Variants in SYNDIG1 observed in about 807,000 individuals in gnomAD.
SYNDIG1 encodes synapse differentiation inducing 1.
SYNDIG1 carries 9 observed loss-of-function variants against 19.4 expected under a neutral mutation model. The observed-to-expected ratio is 0.46, with a 90% confidence interval of 0.28 to 0.81. The LOEUF (loss-of-function observed/expected upper bound fraction) is 0.81, where lower values mean the gene tolerates loss of function less well. Ranked by LOEUF, SYNDIG1 falls within the 30% of genes least tolerant of loss-of-function variation. The probability of loss-of-function intolerance (pLI) is 0.12; values close to 1 mark genes in which losing one functional copy is unlikely to be tolerated. For synonymous variants in SYNDIG1, 141 were observed against 145.9 expected (o/e 0.97, Z 0.24); for missense variants, 311 against 343.3 (o/e 0.91, Z 0.74).
At chr20:24,490,902 A>G (rs1229179133) in intron 1 of SYNDIG1, among the ~76,000 whole-genome samples, 1 of 152,190 alleles carries the variant, frequency 6.6e-6, no homozygotes, top group Non-Finnish European at 1.5e-5. Context: ...AGGTGGAGCC[A>G]GGGAGGAAGT....
At chr20:24,662,617 G>A (rs1026033217) in intron 3 of SYNDIG1, among the ~76,000 whole-genome samples, 7 of 152,218 alleles carry the variant, frequency 4.6e-5, no homozygotes, top group African/African-American at 7.2e-5. Context: ...TTACAGTGCA[G>A]AAATAGTGTC....
chr20:24,592,369 G>T (rs567795398), intron 3 of SYNDIG1, among the ~76,000 whole-genome samples: 3 of 152,212 alleles, frequency 2.0e-5, no homozygotes, highest in Admixed American at 2.0e-4. Flanking sequence ...CTTTATGGCT[G>T]GTGTGTGGGA....
chr20:24,627,819 T>A (rs1446635544), intron 3 of SYNDIG1, among the ~76,000 whole-genome samples: 1 of 152,244 alleles, frequency 6.6e-6, no homozygotes, highest in Non-Finnish European at 1.5e-5. Flanking sequence ...AGCCCCCTCT[T>A]CAGCACTTCT....
intron 3 of SYNDIG1, among the ~76,000 whole-genome samples, chr20:24,603,351 G>T (rs1254390788): frequency 6.6e-6 from 1 of 152,124 alleles, no homozygotes; most frequent in East Asian, 1.9e-4. Context: ...GGGACTTCTG[G>T]GGAGAGCTTC....
chr20:24,521,560 T>G (rs970087311), intron 1 of SYNDIG1, among the ~76,000 whole-genome samples: 1 of 7,528 alleles, frequency 1.3e-4, no homozygotes, highest in African/African-American at 1.2e-3. Context: ...AAGGCTATTT[T>G]CATATGGTTA....
chr20:24,615,901 G>A (rs969597478), intron 3 of SYNDIG1, among the ~76,000 whole-genome samples: 1 of 128,994 alleles, frequency 7.8e-6, no homozygotes, highest in African/African-American at 2.9e-5. Context: ...GCACATCCAC[G>A]AGCCTGGGTG....
chr20:24,505,880 T>A (rs1198583015), intron 1 of SYNDIG1, among the ~76,000 whole-genome samples: 1 of 152,256 alleles, frequency 6.6e-6, no homozygotes, highest in Non-Finnish European at 1.5e-5. Context: ...TTCAGTTGTC[T>A]CATTCTCCCT....
intron 1 of SYNDIG1, among the ~76,000 whole-genome samples, chr20:24,539,106 T>C (rs748564204): frequency 1.3e-5 from 2 of 152,242 alleles, no homozygotes; most frequent in African/African-American, 2.4e-5. Flanking sequence ...TAAATTGTTA[T>C]GAAGTCCAAC....
chr20:24,613,874 C>T (rs750360968), intron 3 of SYNDIG1, among the ~76,000 whole-genome samples: 30 of 152,244 alleles, frequency 2.0e-4, no homozygotes, highest in South Asian at 4.1e-4. Flanking sequence ...TAGGGCTTTG[C>T]GGGGAAGCGT....
chr20:24,475,456 T>C (rs1311435527), intron 1 of SYNDIG1, among the ~76,000 whole-genome samples: 1 of 152,262 alleles, frequency 6.6e-6, no homozygotes, highest in Non-Finnish European at 1.5e-5. Context: ...AGAAACCTTG[T>C]CCTTATGGGT....
chr20:24,545,938 A>G (rs910443526), intron 2 of SYNDIG1, among the ~76,000 whole-genome samples: 4 of 152,184 alleles, frequency 2.6e-5, no homozygotes, highest in Admixed American at 2.0e-4. Context: ...TGAAACAGCA[A>G]GTTGTTTACT....
At chr20:24,616,516 C>T (rs998093059) in intron 3 of SYNDIG1, among the ~76,000 whole-genome samples, 2 of 152,260 alleles carry the variant, frequency 1.3e-5, no homozygotes, top group Admixed American at 6.5e-5. Context: ...CAGTGAAAGG[C>T]CTGCCCTCTG....
At chr20:24,548,098 G>T (rs921155503) in intron 2 of SYNDIG1, among the ~76,000 whole-genome samples, 1 of 152,152 alleles carries the variant, frequency 6.6e-6, no homozygotes, top group East Asian at 1.9e-4. Flanking sequence ...TCGAATCCTC[G>T]AAGCGCTTGG....
chr20:24,631,872 A>G (rs1258188228), intron 3 of SYNDIG1, among the ~76,000 whole-genome samples: 1 of 152,220 alleles, frequency 6.6e-6, no homozygotes, highest in Non-Finnish European at 1.5e-5. Context: ...ATACTCTACT[A>G]TCACCTGGCT....
chr20:24,585,877 A>C (rs2058409193), intron 3 of SYNDIG1, among the ~76,000 whole-genome samples: 1 of 152,208 alleles, frequency 6.6e-6, no homozygotes, highest in Non-Finnish European at 1.5e-5. Flanking sequence ...AGATGCCTCA[A>C]AGGTACAGAG....
chr20:24,571,871 C>T (rs2058150245), intron 2 of SYNDIG1, among the ~76,000 whole-genome samples: 1 of 152,206 alleles, frequency 6.6e-6, no homozygotes, highest in Non-Finnish European at 1.5e-5. Context: ...CTGAAACTTA[C>T]ATTTGTTTTA....
intron 3 of SYNDIG1, among the ~76,000 whole-genome samples, chr20:24,628,315 G>GTAC (rs1398832401): frequency 6.6e-6 from 1 of 152,236 alleles, no homozygotes; most frequent in Non-Finnish European, 1.5e-5. Context: ...CTGCAGCAAA[G>GTAC]TACTCCTCTG....
chr20:24,502,764 A>T (rs2056486081), intron 1 of SYNDIG1, among the ~76,000 whole-genome samples: 1 of 152,140 alleles, frequency 6.6e-6, no homozygotes, highest in Admixed American at 6.5e-5. Context: ...TCTGGTTAGG[A>T]TGGTGTGAAG....
chr20:24,609,252 C>G (rs569818984), intron 3 of SYNDIG1, among the ~76,000 whole-genome samples: 1 of 152,196 alleles, frequency 6.6e-6, no homozygotes, highest in Non-Finnish European at 1.5e-5. Context: ...GAATCCCAGA[C>G]AGAGAGCATA....
Sources: gnomAD v4.1 joint callset for allele counts (sites outside exome capture counted in the v4.1 genomes callset) on GRCh38, gnomAD v4.1.1 for gene constraint, MANE v1.5 for transcripts, NCBI Gene and HGNC (gene_info 2026-07-23, HGNC 2026-07-21) for gene names.